RPLP0: variants seen among roughly 807,000 people sequenced by gnomAD.
RPLP0 encodes the protein ribosomal protein lateral stalk subunit P0.
For missense variants in RPLP0, 276 were observed against 402.9 expected (o/e 0.69, Z 2.70); for synonymous variants, 137 against 153.4 (o/e 0.89, Z 0.79).
Position 120,198,532 on chromosome 12 carries a change from G to T in RPLP0, c.651+22C>A. On this transcript the variant is annotated intron_variant, in intron 6 of 7. Transcript: ENST00000392514. The surrounding 1 kb of genome is among the most constrained non-coding windows in gnomAD (Gnocchi z 4.1). ...TGCTCTCAACCATCAGTGTAAGAGG[G>T]GGCAAGGCTGACAGCATATACCTCC... 6.2e-7 allele frequency: 1 copy of T among 1,613,942 alleles called. No homozygotes were observed. Among genetic ancestry groups the T allele is most frequent in the Non-Finnish European group, 8.5e-7 (1 of 1,179,870 alleles).
rs202001407 is a variant in RPLP0 at position 120,199,491 on chromosome 12, A to T, written c.55-6T>A. ...GGATAATCATCCAATAGTTGCTACA[A>T]AAAACAAGCCAGAGGAGCCAAGTTT... On this transcript the variant is annotated splice_region_variant and splice_polypyrimidine_tract_variant and intron_variant, in intron 2 of 7. Coordinates refer to ENST00000392514, the MANE Select transcript of RPLP0 (RefSeq NM_001002.4). The T allele has an allele frequency of 1.1e-4, 178 of 1,612,948 alleles. 2 individuals are homozygous for T. In the Middle Eastern group the frequency reaches 4.9e-3, roughly 45 times the overall value.
At position 120,198,403 on chromosome 12, in the gene RPLP0, A is replaced by G; in HGVS notation, c.651+151T>C. Reference sequence around the variant, plus strand: ...TCTGTCTCCAAAAAAAAAAAAAAAAAATCCTTCAACAATCTTATGTTGTTA... The same window carrying G: ...TCTGTCTCCAAAAAAAAAAAAAAAAGATCCTTCAACAATCTTATGTTGTTA... On this transcript the variant is annotated intron_variant, in intron 6 of 7. Coordinates refer to ENST00000392514, the MANE Select transcript of RPLP0 (RefSeq NM_001002.4). The surrounding 1 kb of genome is among the most constrained non-coding windows in gnomAD (Gnocchi z 4.1). The G allele has an allele frequency of 1.2e-6, 1 of 816,156 alleles. No individual in the cohort carries two copies. Among genetic ancestry groups the G allele is most frequent in the South Asian group, 1.9e-5 (1 of 53,830 alleles). The allele number at this position is 816,156 out of a possible 1,614,324, so 50.6% of individuals were successfully genotyped here.
chr12:120,200,217 C>T (rs769826434), intron 2 of RPLP0: 1 of 408,548 alleles, frequency 2.4e-6, no homozygotes. Flanking sequence ...GTAATCCTAG[C>T]ACTTAGGGAG....
In RPLP0 at chr12:120,197,446, G is replaced by C; in HGVS notation, c.668C>G (p.Ala223Gly). 1 of 1,613,954 alleles carries C rather than the reference G, an allele frequency of 6.2e-7. No homozygotes were observed. Among genetic ancestry groups the C allele is most frequent in the Admixed American group, 1.7e-5 (1 of 59,996 alleles). ...GTAGCCAATCTGCAGACAGACACTGGCAACATTGCGGACACCCTGGGGGAG... is the reference window on the plus strand; with the variant it reads ...GTAGCCAATCTGCAGACAGACACTGCCAACATTGCGGACACCCTGGGGGAG... The part of the protein sequence containing the change: ...SRFLEGVRNV[A>G]SVCLQIGYPT... The change falls in exon 7 of 8, where the codon GCC becomes GGC. Residue 223 changes from alanine to glycine, a missense_variant. Ala to Gly is a moderately conservative substitution (Grantham distance 60). Coordinates refer to ENST00000392514, the MANE Select transcript of RPLP0 (RefSeq NM_001002.4).
intron 2 of RPLP0, chr12:120,199,809 T>C (rs537995877): frequency 8.3e-6 from 3 of 359,400 alleles, no homozygotes; most frequent in South Asian, 2.3e-5. Context: ...CCAAGTAAGT[T>C]GGTCAAGAGG....
intron 7 of RPLP0, 86 bp from the exon 8 acceptor site, chr12:120,197,020 C>CT (rs1484620050): frequency 5.0e-5 from 79 of 1,583,090 alleles, no homozygotes; most frequent in Non-Finnish European, 6.6e-5. Context: ...GTTTAAGGAC[C>CT]AACAATATCA....
At chr12:120,200,011 AG>A in intron 2 of RPLP0, 1 of 456,170 alleles carries the variant, frequency 2.2e-6, no homozygotes, top group Non-Finnish European at 4.4e-6. Flanking sequence ...GCTTAAGCGC[AG>A]TACAGTCAGC....
Position 120,197,479 on chromosome 12 carries a change from T to C in RPLP0, c.652-17A>G. ...GCGGACACCCTGGGGGAGGGAAGAT[T>C]TCATTTTACGTGAGATTCCCTACAG... On this transcript the variant is annotated splice_polypyrimidine_tract_variant and intron_variant, in intron 6 of 7. Transcript: ENST00000392514. 1 of 1,612,894 alleles carries C rather than the reference T, an allele frequency of 6.2e-7. No homozygotes were observed.
Position 120,198,953 on chromosome 12 carries a change from A to G in RPLP0, c.366T>C (p.Thr122=). 1 of 1,614,036 alleles carries G rather than the reference A, an allele frequency of 6.2e-7. No individual in the cohort carries two copies. Among genetic ancestry groups the G allele is most frequent in the South Asian group, 1.1e-5 (1 of 91,074 alleles). ...RAGAIAPCEV[T]VPAQNTGLGP... is the part of the protein sequence containing the mutation. ...CGAGACCAGTGTTCTGGGCTGGCAC[A>G]GTGACTTCACATGGGGCAATGGCAC... Residue 122 remains threonine (T), a synonymous_variant, in exon 5 of 8, where the codon ACT becomes ACC. Transcript: ENST00000392514. The surrounding 1 kb of genome is among the most constrained non-coding windows in gnomAD (Gnocchi z 4.1).
In RPLP0 at chr12:120,196,951, A is replaced by T. The variant is rs1329827555; in HGVS notation, c.793-17T>A. The T allele has an allele frequency of 6.2e-7, 1 of 1,612,788 alleles. No homozygotes were observed. The highest frequency in any genetic ancestry group is 2.2e-5 in the East Asian group (1 of 44,868). On this transcript the variant is annotated splice_polypyrimidine_tract_variant and intron_variant, in intron 7 of 7. Transcript: ENST00000392514. ...GGCCTTGACCTGAAAGGAGGGGGGA[A>T]GTGGTCAAAATGGTCATCCACACTC... is the stretch of plus-strand genomic sequence containing the variant.
chr12:120,200,662 T>C (rs1023180318), intron 2 of RPLP0, 68 bp downstream of exon 2: 32 of 1,552,574 alleles, frequency 2.1e-5, no homozygotes, highest in Admixed American at 5.6e-5. Context: ...CCTCAGCACA[T>C]AGCAGCTGAC....
At chr12:120,200,114 C>G (rs1879364171) in intron 2 of RPLP0, 3 of 455,928 alleles carry the variant, frequency 6.6e-6, no homozygotes, top group South Asian at 1.5e-5. Context: ...TATGCAACAG[C>G]TTGCTTCCTT....
intron 3 of RPLP0, 52 bp from the exon 4 acceptor site, chr12:120,199,257 G>C: frequency 6.2e-7 from 1 of 1,612,830 alleles, no homozygotes; most frequent in Non-Finnish European, 8.5e-7. Context: ...CATTCTCCAG[G>C]AAGAGGGAGA....
In RPLP0 at chr12:120,196,943, AG is replaced by A. The variant is rs1369377878; in HGVS notation, c.793-10del. ...GCCAAGAAGGCCTTGACCTGAAAGGAGGGGGGAAGTGGTCAAAATGGTCATC... is the reference window on the plus strand; with the variant it reads ...GCCAAGAAGGCCTTGACCTGAAAGGAGGGGGAAGTGGTCAAAATGGTCATC... On this transcript the variant is annotated splice_polypyrimidine_tract_variant and intron_variant, in intron 7 of 7. Coordinates refer to ENST00000392514, the MANE Select transcript of RPLP0 (RefSeq NM_001002.4). 7.4e-6 allele frequency: 12 copies of A among 1,613,032 alleles called. No individual in the cohort carries two copies. The highest frequency in any genetic ancestry group is 5.3e-5 in the African/African-American group (4 of 74,900).
rs1183153749 is a variant in RPLP0, at chr12:120,199,476, C to T, written c.64G>A (p.Asp22Asn). The change falls in exon 3 of 8, where the codon GAT (aspartate) becomes AAT (asparagine). Residue 22 changes from aspartate (D) to asparagine (N), a missense_variant. Asp to Asn is a conservative substitution (Grantham distance 23). Transcript: ENST00000392514. ...ACAATGAAACATTTCGGATAATCAT[C>T]CAATAGTTGCTACAAAAAACAAGCC... ...NYFLKIIQLLDDYPKCFIVGA... is the reference protein window; with the variant it reads ...NYFLKIIQLLNDYPKCFIVGA... The T allele has an allele frequency of 1.9e-6, 3 of 1,613,636 alleles. No individual in the cohort carries two copies. The highest frequency in any genetic ancestry group is 2.5e-6 in the Non-Finnish European group (3 of 1,179,930).
chr12:120,197,466 GGGGA>G lies in RPLP0; in HGVS notation c.652-8_652-5del, dbSNP rs1292473570. 1 of 1,613,584 alleles carries G rather than the reference GGGGA, an allele frequency of 6.2e-7. No homozygotes were observed. The highest frequency in any genetic ancestry group is 8.5e-7 in the Non-Finnish European group (1 of 1,179,764). On this transcript the variant is annotated splice_polypyrimidine_tract_variant and splice_region_variant and intron_variant, in intron 6 of 7. Transcript: ENST00000392514. Reference sequence around the variant, plus strand: ...CACTGGCAACATTGCGGACACCCTGGGGGAGGGAAGATTTCATTTTACGTGAGAT... The same window carrying G: ...CACTGGCAACATTGCGGACACCCTGGGGGAAGATTTCATTTTACGTGAGAT...
Position 120,200,809 on chromosome 12 carries a change from C to T in RPLP0, c.-26G>A. 1 of 1,607,630 alleles carries T rather than the reference C, an allele frequency of 6.2e-7. No individual in the cohort carries two copies. Among genetic ancestry groups the T allele is most frequent in the Non-Finnish European group, 8.5e-7 (1 of 1,177,982 alleles). Reference sequence around the variant, plus strand: ...CACGGCGGTGCGTCAGGGATTGCCACGCAGGGTTTAAAGACGATGTCACTG... The same window carrying T: ...CACGGCGGTGCGTCAGGGATTGCCATGCAGGGTTTAAAGACGATGTCACTG... On this transcript the variant is annotated 5_prime_UTR_variant, in exon 2 of 8. It adds an upstream start codon to the 5' untranslated region. Transcript: ENST00000392514.
intron 2 of RPLP0, 179 bp from the exon 3 acceptor site, chr12:120,199,664 G>T: frequency 1.6e-6 from 1 of 624,082 alleles, no homozygotes; most frequent in Non-Finnish European, 2.7e-6. Flanking sequence ...GGCTAGCTGG[G>T]TATGAACGCT....
At chr12:120,200,035 G>A (rs1879357736) in intron 2 of RPLP0, 1 of 455,986 alleles carries the variant, frequency 2.2e-6, no homozygotes, top group South Asian at 1.5e-5. Flanking sequence ...TTCTGGGCAA[G>A]GGAGACCCAC....
Sources: allele counts gnomAD v4.1 joint callset, GRCh38; gene constraint gnomAD v4.1.1; non-coding constraint Gnocchi (gnomAD v3.1); transcripts MANE v1.5; gene names NCBI Gene and HGNC (gene_info 2026-07-23, HGNC 2026-07-21).